The following MDGA2 variants were observed in gnomAD, a reference collection of about 807,000 sequenced individuals.
The protein encoded by MDGA2 is MAM domain-containing glycosylphosphatidylinositol anchor protein 2.
A neutral mutation model predicts 117.8 loss-of-function variants in MDGA2; 40 were observed. The observed-to-expected ratio is 0.34, with a 90% CI of 0.26 to 0.44. The LOEUF (loss-of-function observed/expected upper bound fraction) is 0.44. Among genes scored for constraint, MDGA2 ranks in the 20% least tolerant of loss-of-function variants. MDGA2 has a pLI of 1.00. For missense variants in MDGA2, 1,123 were observed against 1,250.6 expected (o/e 0.90, Z 1.54); for synonymous variants, 452 against 439.0 (o/e 1.03, Z -0.37).
chr14:47,315,278 A>G (rs1249576779), intron 1 of MDGA2, among the ~76,000 whole-genome samples: 3 of 152,128 alleles, frequency 2.0e-5, no homozygotes, highest in Non-Finnish European at 4.4e-5. Flanking sequence ...GAACTTCCAG[A>G]CATTTTTTAT....
chr14:46,977,587 C>A (rs1377589668), intron 8 of MDGA2, among the ~76,000 whole-genome samples: 1 of 151,828 alleles, frequency 6.6e-6, no homozygotes, highest in Non-Finnish European at 1.5e-5. Flanking sequence ...TTGCCGTTTG[C>A]ACCAGGAAGT....
intron 3 of MDGA2, among the ~76,000 whole-genome samples, chr14:47,198,197 C>G (rs1022376122): frequency 2.6e-5 from 4 of 152,134 alleles, no homozygotes; most frequent in African/African-American, 9.7e-5. Context: ...CTGGTCAAAA[C>G]AGCAATTTGT....
At chr14:47,440,929 T>C (rs9323140) in intron 1 of MDGA2, among the ~76,000 whole-genome samples, 1 of 151,856 alleles carries the variant, frequency 6.6e-6, no homozygotes, top group African/African-American at 2.4e-5. Flanking sequence ...ACTGAATATA[T>C]GGTAAGTACT....
chr14:47,163,862 C>T (rs1883748173), intron 3 of MDGA2, among the ~76,000 whole-genome samples: 1 of 152,134 alleles, frequency 6.6e-6, no homozygotes, highest in African/African-American at 2.4e-5. Flanking sequence ...GTGCTAATTA[C>T]AGCACCCTGA....
At chr14:46,955,216 T>C (rs1885517525) in intron 9 of MDGA2, among the ~76,000 whole-genome samples, 1 of 151,936 alleles carries the variant, frequency 6.6e-6, no homozygotes, top group Non-Finnish European at 1.5e-5. Flanking sequence ...ATATAAGTAA[T>C]ATAGATAATA....
chr14:47,601,437 T>C (rs1874173861), intron 1 of MDGA2, among the ~76,000 whole-genome samples: 1 of 152,156 alleles, frequency 6.6e-6, no homozygotes, highest in Admixed American at 6.6e-5. Context: ...CAGTTATCTT[T>C]CTGGAAGATG....
intron 1 of MDGA2, among the ~76,000 whole-genome samples, chr14:47,493,843 T>C (rs1894223530): frequency 6.6e-6 from 1 of 152,206 alleles, no homozygotes; most frequent in African/African-American, 2.4e-5. Context: ...AAAGTCATTC[T>C]AGCAGTCATT....
chr14:47,377,546 C>T lies in MDGA2; in HGVS notation c.281-75996G>A, dbSNP rs569555066. 5.3e-5 allele frequency among the ~76,000 whole-genome samples: 8 copies of T among 152,198 alleles called. No individual in the cohort carries two copies. In the East Asian group the frequency reaches 5.8e-4, roughly 11 times the overall value. Reference sequence around the variant, plus strand: ...GTGCTTTTCCAACAGTCTTAGCAAACGGCACACCAGGAGATTATATCCCAT... The same window carrying T: ...GTGCTTTTCCAACAGTCTTAGCAAATGGCACACCAGGAGATTATATCCCAT... On this transcript the variant is annotated intron_variant, in intron 1 of 16. Transcript: ENST00000399232.
At chr14:47,334,865 C>A (rs548324965) in intron 1 of MDGA2, among the ~76,000 whole-genome samples, 50 of 151,996 alleles carry the variant, frequency 3.3e-4, no homozygotes, top group African/African-American at 1.2e-3. Flanking sequence ...TCTGTCTTTA[C>A]ACTGAATGGG....
intron 10 of MDGA2, among the ~76,000 whole-genome samples, chr14:46,891,340 GA>G (rs576785642): frequency 1.3e-5 from 2 of 150,888 alleles, no homozygotes; most frequent in African/African-American, 4.9e-5. Context: ...AAAATGAAGA[GA>G]AAAGAGTAAA....
chr14:47,174,363 C>T (rs1372516421), intron 3 of MDGA2, among the ~76,000 whole-genome samples: 3 of 152,090 alleles, frequency 2.0e-5, no homozygotes, highest in Admixed American at 6.5e-5. Flanking sequence ...CAGCACCACA[C>T]CACACCTATT....
chr14:46,947,221 C>G (rs1265112625), intron 9 of MDGA2, among the ~76,000 whole-genome samples: 1 of 151,938 alleles, frequency 6.6e-6, no homozygotes. Context: ...TTTTCAATTA[C>G]TTTTTCTTTA....
intron 1 of MDGA2, among the ~76,000 whole-genome samples, chr14:47,658,651 C>T (rs1200053439): frequency 6.6e-6 from 1 of 152,110 alleles, no homozygotes; most frequent in Non-Finnish European, 1.5e-5. Flanking sequence ...ACATTCAGAA[C>T]TCCTTCTGCA....
At chr14:47,592,993 C>A (rs1896469538) in intron 1 of MDGA2, among the ~76,000 whole-genome samples, 2 of 152,020 alleles carry the variant, frequency 1.3e-5, no homozygotes, top group Admixed American at 1.3e-4. Flanking sequence ...ATCCATCTGA[C>A]AAAGGGCTCA....
At chr14:47,158,219 G>GT (rs2139262896) in intron 3 of MDGA2, among the ~76,000 whole-genome samples, 1 of 152,270 alleles carries the variant, frequency 6.6e-6, no homozygotes, top group African/African-American at 2.4e-5. Context: ...GTAGAGGTTT[G>GT]TGGTCTAGGG....
At chr14:47,527,090 G>T (rs1341005105) in intron 1 of MDGA2, among the ~76,000 whole-genome samples, 1 of 152,188 alleles carries the variant, frequency 6.6e-6, no homozygotes, top group African/African-American at 2.4e-5. Flanking sequence ...CATGGTTCCT[G>T]CCCTTCACTT....
chr14:47,602,466 T>TAAA (rs11375173), intron 1 of MDGA2, among the ~76,000 whole-genome samples: 2 of 149,170 alleles, frequency 1.3e-5, no homozygotes, highest in Non-Finnish European at 3.0e-5. Context: ...GCTCTTTATT[T>TAAA]AAAAAAAAAA....
intron 14 of MDGA2, among the ~76,000 whole-genome samples, chr14:46,861,986 A>T (rs1881527849): frequency 6.6e-6 from 1 of 152,024 alleles, no homozygotes; most frequent in South Asian, 2.1e-4. Context: ...ATAGTAAAAA[A>T]AACTCTGAAG....
At chr14:47,255,432 G>T (rs1477579131) in intron 2 of MDGA2, among the ~76,000 whole-genome samples, 3 of 152,140 alleles carry the variant, frequency 2.0e-5, no homozygotes, top group African/African-American at 7.2e-5. Flanking sequence ...TCAGATTTGT[G>T]TGTTCATTGT....
Sources: allele counts gnomAD v4.1 joint callset (sites outside exome capture counted in the v4.1 genomes callset), GRCh38; gene constraint gnomAD v4.1.1; transcripts MANE v1.5; gene names NCBI Gene and HGNC (gene_info 2026-07-23, HGNC 2026-07-21).